ARHGAP24: variants seen among roughly 807,000 people sequenced by gnomAD.
ARHGAP24 encodes the protein rho GTPase-activating protein 24.
In ARHGAP24, 50 loss-of-function variants were observed where a neutral mutation model predicts 76.4. The ratio of observed to expected loss-of-function variants is 0.65; its 90% CI spans 0.52 to 0.83. The LOEUF (loss-of-function observed/expected upper bound fraction) is 0.83, where lower values mean the gene tolerates loss of function less well. Among genes scored for constraint, ARHGAP24 ranks in the 40% least tolerant of loss-of-function variants. The pLI is 0.00. For synonymous variants in ARHGAP24, 345 were observed against 323.3 expected (o/e 1.07, Z -0.72); for missense variants, 930 against 914.2 (o/e 1.02, Z -0.22).
At chr4:85,692,426 T>G (rs1036956229) in intron 2 of ARHGAP24, among the ~76,000 whole-genome samples, 1 of 152,226 alleles carries the variant, frequency 6.6e-6, no homozygotes, top group Non-Finnish European at 1.5e-5. Flanking sequence ...ATTTTCCAAG[T>G]TGCTTATTCT....
At chr4:85,754,398 A>G (rs941802157) in intron 3 of ARHGAP24, among the ~76,000 whole-genome samples, 2 of 152,224 alleles carry the variant, frequency 1.3e-5, no homozygotes, top group African/African-American at 4.8e-5. Flanking sequence ...ATGGAAGTGC[A>G]GATGTCTCTT....
chr4:85,974,823 C>T (rs555199719), intron 6 of ARHGAP24, 65 bp from the exon 7 acceptor site: 82 of 1,491,898 alleles, frequency 5.5e-5, no homozygotes, highest in Middle Eastern at 1.7e-4. Context: ...ATGGCCATTT[C>T]GACTTGCTTT....
intron 1 of ARHGAP24, among the ~76,000 whole-genome samples, chr4:85,529,638 A>T (rs111706534): frequency 6.6e-6 from 1 of 152,126 alleles, no homozygotes; most frequent in East Asian, 1.9e-4. Context: ...TATTCACTAG[A>T]TGCCAGTAGA....
At chr4:85,590,259 C>A (rs987384527) in intron 2 of ARHGAP24, among the ~76,000 whole-genome samples, 1 of 147,018 alleles carries the variant, frequency 6.8e-6, no homozygotes, top group Non-Finnish European at 1.5e-5. Flanking sequence ...CTCCCTCCAT[C>A]CCTCCATCCC....
intron 2 of ARHGAP24, among the ~76,000 whole-genome samples, chr4:85,625,215 A>G (rs1165609827): frequency 3.9e-5 from 6 of 152,100 alleles, no homozygotes; most frequent in Admixed American, 1.3e-4. Flanking sequence ...ATTTAGTGCT[A>G]TAAATTTCCC....
intron 2 of ARHGAP24, among the ~76,000 whole-genome samples, chr4:85,668,692 G>T (rs1382871018): frequency 6.6e-6 from 1 of 152,114 alleles, no homozygotes; most frequent in Non-Finnish European, 1.5e-5. Context: ...GGGAAGTTTA[G>T]GAGATAAAGG....
chr4:85,763,916 G>C (rs546105512), intron 3 of ARHGAP24, among the ~76,000 whole-genome samples: 1 of 152,118 alleles, frequency 6.6e-6, no homozygotes, highest in East Asian at 1.9e-4. Flanking sequence ...AAACAGAATT[G>C]ATATTTACAT....
chr4:85,864,973 A>G (rs987735755), intron 3 of ARHGAP24, among the ~76,000 whole-genome samples: 1 of 152,110 alleles, frequency 6.6e-6, no homozygotes, highest in Non-Finnish European at 1.5e-5. Flanking sequence ...AATAAGTTCC[A>G]TATGTCTCAT....
At position 85,573,356 on chromosome 4, in the gene ARHGAP24, A is replaced by G. The variant is rs1425963354; in HGVS notation, c.180+2635A>G. ...GAACTTTGTAATATACAAACATTCT[A>G]TATTGTTCTATGAGTGGCCTAATTT... On this transcript the variant is annotated intron_variant, in intron 2 of 9. Transcript: ENST00000395184. 2.0e-5 allele frequency among the ~76,000 whole-genome samples: 3 copies of G among 152,198 alleles called. No individual in the cohort carries two copies. In the East Asian group the frequency reaches 5.8e-4, roughly 29 times the overall value.
chr4:85,715,772 C>T (rs1275439724), intron 2 of ARHGAP24, among the ~76,000 whole-genome samples: 1 of 151,920 alleles, frequency 6.6e-6, no homozygotes. Flanking sequence ...TCTGCCTTCC[C>T]CGAGTAATTT....
chr4:85,780,252 C>T (rs1727485216), intron 3 of ARHGAP24, among the ~76,000 whole-genome samples: 3 of 152,104 alleles, frequency 2.0e-5, no homozygotes, highest in Admixed American at 2.0e-4. Context: ...TGGCTCACTG[C>T]AACCTCCACC....
At chr4:85,715,961 T>A (rs1298447287) in intron 2 of ARHGAP24, among the ~76,000 whole-genome samples, 1 of 152,120 alleles carries the variant, frequency 6.6e-6, no homozygotes, top group Non-Finnish European at 1.5e-5. Context: ...TAAAACCTGT[T>A]GAATAATATT....
intron 3 of ARHGAP24, among the ~76,000 whole-genome samples, chr4:85,795,442 G>T (rs1303147044): frequency 2.0e-5 from 3 of 151,980 alleles, no homozygotes; most frequent in African/African-American, 7.2e-5. Context: ...AAATATTATT[G>T]ATCTGACTTT....
At chr4:85,541,791 G>A (rs1725714932) in intron 1 of ARHGAP24, among the ~76,000 whole-genome samples, 1 of 152,034 alleles carries the variant, frequency 6.6e-6, no homozygotes, top group Admixed American at 6.6e-5. Flanking sequence ...AACAGAAGAA[G>A]GAGTGATTAA....
At chr4:85,560,629 T>G (rs1726556822) in intron 1 of ARHGAP24, among the ~76,000 whole-genome samples, 1 of 152,244 alleles carries the variant, frequency 6.6e-6, no homozygotes, top group African/African-American at 2.4e-5. Flanking sequence ...TTCTGGTGAC[T>G]ATTTTTGACT....
rs1741051322 is a variant in ARHGAP24, at chr4:86,002,037, G to A, written c.*1315G>A. The A allele has an allele frequency of 6.6e-6, 1 of 152,202 alleles. No homozygotes were observed. Among genetic ancestry groups the A allele is most frequent in the Admixed American group, 6.5e-5 (1 of 15,288 alleles). The allele number at this position is 152,202 out of a possible 1,614,324, so 9.4% of individuals were successfully genotyped here. A position where few individuals can be genotyped will look rare whatever the true frequency, so the allele number is the denominator to read the frequency against. On this transcript the variant is annotated 3_prime_UTR_variant, in exon 10 of 10. Transcript: ENST00000395184. ...CTAGAAAAACCCAGGGCTCTTTGGA[G>A]CTAGAGTTTTGGGAGAACAGTTCTT...
Position 86,001,698 on chromosome 4 carries a change from C to G in ARHGAP24, c.*976C>G, listed in dbSNP as rs1029541960. On this transcript the variant is annotated 3_prime_UTR_variant, in exon 10 of 10. Coordinates refer to ENST00000395184, the MANE Select transcript of ARHGAP24 (RefSeq NM_001025616.3). ...CAACAACTGCACTTTAGAATACCAGCAGTGAAATGGTATTACTGTTTCCCT... is the reference window on the plus strand; with the variant it reads ...CAACAACTGCACTTTAGAATACCAGGAGTGAAATGGTATTACTGTTTCCCT... 36 of 343,998 alleles carry G rather than the reference C, an allele frequency of 1.0e-4. No homozygotes were observed. Among genetic ancestry groups the G allele is most frequent in the Non-Finnish European group, 2.6e-5 (5 of 192,612 alleles). The allele number at this position is 343,998 out of a possible 1,614,324, so 21.3% of individuals were successfully genotyped here.
chr4:85,722,211 T>C, intron 3 of ARHGAP24: 1 of 460,832 alleles, frequency 2.2e-6, no homozygotes, highest in Non-Finnish European at 4.0e-6. Context: ...GACTCCATAG[T>C]TGACCACAAG....
chr4:85,689,680 T>G (rs922677720), intron 2 of ARHGAP24, among the ~76,000 whole-genome samples: 1 of 152,216 alleles, frequency 6.6e-6, no homozygotes, highest in Non-Finnish European at 1.5e-5. Context: ...TGAGCCAGCA[T>G]GCCCAGCTGC....
Sources: gnomAD v4.1 joint callset for allele counts (sites outside exome capture counted in the v4.1 genomes callset) on GRCh38, gnomAD v4.1.1 for gene constraint, MANE v1.5 for transcripts, NCBI Gene and HGNC (gene_info 2026-07-23, HGNC 2026-07-21) for gene names.